The following TTC28 variants were observed in gnomAD, a reference collection of about 807,000 sequenced individuals.
TTC28 encodes the protein tetratricopeptide repeat domain 28.
A neutral mutation model predicts 198.0 loss-of-function variants in TTC28; 61 were observed. That is an observed-to-expected ratio of 0.31 (90% CI 0.25 to 0.38). TTC28 has a LOEUF of 0.38. Ranked by LOEUF, TTC28 falls within the 10% of genes least tolerant of loss-of-function variation. TTC28 has a pLI of 1.00. For synonymous variants in TTC28, 1,171 were observed against 1,297.8 expected, an observed-to-expected ratio of 0.90 and a Z score of 2.10; for missense variants, 2,678 against 3,164.0, an observed-to-expected ratio of 0.85 and a Z score of 3.69.
At chr22:28,312,386 A>T (rs2045278420) in intron 2 of TTC28, among the ~76,000 whole-genome samples, 1 of 152,136 alleles carries the variant, frequency 6.6e-6, no homozygotes, top group Admixed American at 6.5e-5. Flanking sequence ...AGAACTCTCC[A>T]CCCCAAATCA....
chr22:28,115,143 C>T (rs1381859544), intron 6 of TTC28, among the ~76,000 whole-genome samples: 2 of 151,976 alleles, frequency 1.3e-5, no homozygotes, highest in South Asian at 4.1e-4. Context: ...ACTCAGAAGT[C>T]CATGCTCCAT....
intron 1 of TTC28, among the ~76,000 whole-genome samples, chr22:28,634,505 C>CA (rs900765994): frequency 0.071 from 3,189 of 44,704 alleles, 167 homozygotes; most frequent in African/African-American, 0.17. Context: ...GACTCCATCT[C>CA]AAAAAAAAAA....
intron 12 of TTC28, among the ~76,000 whole-genome samples, chr22:28,037,197 T>G (rs569219857): frequency 1.4e-4 from 21 of 152,282 alleles, no homozygotes; most frequent in South Asian, 2.1e-4. Flanking sequence ...TACCAAAGCC[T>G]GGCAGAGACA....
intron 5 of TTC28, among the ~76,000 whole-genome samples, chr22:28,252,460 T>A (rs1157243569): frequency 6.6e-6 from 1 of 152,198 alleles, no homozygotes; most frequent in Admixed American, 6.5e-5. Flanking sequence ...CATGATTAAA[T>A]TCATAAATGC....
intron 12 of TTC28, among the ~76,000 whole-genome samples, chr22:28,077,810 C>T (rs1939496098): frequency 6.6e-6 from 1 of 152,068 alleles, no homozygotes; most frequent in Non-Finnish European, 1.5e-5. Context: ...GAACATTTAC[C>T]CCATTAAAAG....
intron 2 of TTC28, among the ~76,000 whole-genome samples, chr22:28,580,906 A>G (rs1021622100): frequency 1.3e-5 from 2 of 152,188 alleles, no homozygotes; most frequent in African/African-American, 4.8e-5. Context: ...ATGAAAATCA[A>G]TATTTATTTA....
intron 2 of TTC28, among the ~76,000 whole-genome samples, chr22:28,401,750 C>T: frequency 6.6e-6 from 1 of 152,004 alleles, no homozygotes; most frequent in East Asian, 1.9e-4. Flanking sequence ...GCCTAGGCAA[C>T]AAAAGCGAGA....
intron 1 of TTC28, among the ~76,000 whole-genome samples, chr22:28,636,464 A>T (rs1401163712): frequency 1.3e-5 from 2 of 152,248 alleles, no homozygotes; most frequent in South Asian, 2.1e-4. Flanking sequence ...TTTTTTATTC[A>T]TTCATCCAGC....
chr22:28,572,339 G>T (rs1357970280), intron 2 of TTC28, among the ~76,000 whole-genome samples: 1 of 152,076 alleles, frequency 6.6e-6, no homozygotes. Context: ...ATTGCTCATA[G>T]CAACACTGAG....
At chr22:28,015,097 G>A (rs1407900336) in intron 13 of TTC28, among the ~76,000 whole-genome samples, 4 of 152,256 alleles carry the variant, frequency 2.6e-5, no homozygotes, top group Non-Finnish European at 5.9e-5. Context: ...TGGGATGAGA[G>A]CATTCACTGA....
chr22:27,992,891 C>A (rs1220996855), intron 18 of TTC28: 3 of 582,854 alleles, frequency 5.1e-6, no homozygotes, highest in East Asian at 5.8e-5. Context: ...GTCCTCTAGG[C>A]GTGGCCACAC....
chr22:28,540,689 C>T (rs1299106747), intron 2 of TTC28, among the ~76,000 whole-genome samples: 4 of 152,152 alleles, frequency 2.6e-5, no homozygotes, highest in Non-Finnish European at 5.9e-5. Context: ...CAATGTTTAA[C>T]TAGCTTCAGA....
At chr22:28,656,404 C>T (rs1409314211) in intron 1 of TTC28, among the ~76,000 whole-genome samples, 1 of 152,164 alleles carries the variant, frequency 6.6e-6, no homozygotes, top group East Asian at 1.9e-4. Context: ...GACGAGGATA[C>T]GAGCAAATCC....
At chr22:28,316,862 G>A (rs963682058) in intron 2 of TTC28, among the ~76,000 whole-genome samples, 2 of 152,130 alleles carry the variant, frequency 1.3e-5, no homozygotes, top group African/African-American at 4.8e-5. Flanking sequence ...GAACCCCTGA[G>A]TGCAAGTGAT....
intron 15 of TTC28, 180 bp from the exon 16 acceptor site, chr22:27,999,440 T>TA (rs1937615312): frequency 1.1e-6 from 1 of 912,784 alleles, no homozygotes; most frequent in African/African-American, 1.7e-5. Flanking sequence ...GTGCCTAACT[T>TA]ACTGAGAATC....
chr22:27,996,846 T>G (rs1937562180), intron 16 of TTC28, among the ~76,000 whole-genome samples: 1 of 151,406 alleles, frequency 6.6e-6, no homozygotes, highest in Admixed American at 6.6e-5. Flanking sequence ...GGGAAAGGGT[T>G]TTCTAAGATA....
At position 28,138,015 on chromosome 22, in the gene TTC28, T is replaced by C. The variant is rs377737998; in HGVS notation, c.1441+25077A>G. ...GGGTGACAAGAGCGAAACTCCGTTG[T>C]TGTTTTTTTTTAAAAAAAAGGAATA... On this transcript the variant is annotated intron_variant, in intron 6 of 22. Transcript: ENST00000397906. Among the ~76,000 whole-genome samples the C allele has an allele frequency of 9.2e-5, 14 of 151,780 alleles. No individual in the cohort carries two copies. In the South Asian group the frequency reaches 2.9e-3, roughly 32 times the overall value.
intron 1 of TTC28, among the ~76,000 whole-genome samples, chr22:28,674,645 C>CCATGT (rs909302541): frequency 4.0e-5 from 6 of 151,498 alleles, no homozygotes; most frequent in African/African-American, 1.2e-4. Flanking sequence ...CACGGTGAAA[C>CCATGT]CATGTCTCTA....
intron 2 of TTC28, among the ~76,000 whole-genome samples, chr22:28,392,502 G>C (rs1462759827): frequency 6.6e-6 from 1 of 152,224 alleles, no homozygotes; most frequent in Non-Finnish European, 1.5e-5. Flanking sequence ...AGACTCCGTG[G>C]GCGTAGGACC....
Sources: gnomAD v4.1 joint callset for allele counts (sites outside exome capture counted in the v4.1 genomes callset) on GRCh38, gnomAD v4.1.1 for gene constraint, MANE v1.5 for transcripts, NCBI Gene and HGNC (gene_info 2026-07-23, HGNC 2026-07-21) for gene names.